Variants in PLP1 observed in about 807,000 individuals in gnomAD.
The protein encoded by PLP1 is proteolipid protein 1.
A neutral mutation model predicts 18.5 loss-of-function variants in PLP1; 2 were observed. That is an observed-to-expected ratio of 0.11 (90% CI 0.04 to 0.34). The LOEUF (loss-of-function observed/expected upper bound fraction) is 0.34, where lower values mean the gene tolerates loss of function less well. PLP1 is among the 10% of genes least tolerant of loss of function. The pLI is 1.00. For synonymous variants in PLP1, 86 were observed against 83.2 expected (o/e 1.03, Z -0.19); for missense variants, 105 against 207.3 (o/e 0.51, Z 3.03).
chrX:103,780,468 T>TGC (rs1556257399), intron 1 of PLP1, among the ~76,000 whole-genome samples: 219 of 109,643 alleles, frequency 2.0e-3, no homozygotes, highest in African/African-American at 6.1e-3. Context: ...TGTGTGTGTG[T>TGC]GCGCGTCTGA....
chrX:103,790,958 A>C lies in PLP1; in HGVS notation c.*360A>C. ...AAAGGGTACTTCCACTGATGGAAAC[A>C]AAGTGGAAGGAAAGATGCTCAGGTA... On this transcript the variant is annotated 3_prime_UTR_variant, in exon 7 of 7. Coordinates refer to ENST00000621218, the MANE Select transcript of PLP1 (RefSeq NM_000533.5). The C allele has an allele frequency of 3.9e-6, 1 of 254,144 alleles. No individual in the cohort carries two copies. 20.9% of individuals were successfully genotyped at this position (254,144 alleles called of 1,213,427 possible). A position where few individuals can be genotyped will look rare whatever the true frequency, so the allele number is the denominator to read the frequency against.
chrX:103,787,394 A>G (rs755845681), intron 3 of PLP1: 10 of 205,964 alleles, frequency 4.9e-5, no homozygotes, highest in Non-Finnish European at 6.2e-5. Flanking sequence ...TTAATCTCCT[A>G]TTGGCTTTGT....
chrX:103,781,100 G>A, intron 1 of PLP1: 1 of 218,842 alleles, frequency 4.6e-6, no homozygotes, highest in Admixed American at 5.4e-5. Context: ...GGTACAATTG[G>A]TCTCTTTCTA....
chrX:103,785,603 G>C lies in PLP1; in HGVS notation c.26G>C (p.Arg9Thr). The C allele has an allele frequency of 8.3e-7, 1 of 1,210,784 alleles. No homozygotes were observed. Among genetic ancestry groups the C allele is most frequent in the Non-Finnish European group, 1.1e-6 (1 of 894,685 alleles). MGLLECCA[R>T]CLVGAPFASL... ...CCAGGCTTGTTAGAGTGCTGTGCAAGATGTCTGGTAGGGGCCCCCTTTGCT... is the reference window on the plus strand; with the variant it reads ...CCAGGCTTGTTAGAGTGCTGTGCAACATGTCTGGTAGGGGCCCCCTTTGCT... Residue 9 changes from arginine to threonine, a missense_variant, in exon 2 of 7, where the codon AGA becomes ACA. By Grantham distance (71) the Arg-to-Thr change is moderately conservative (BLOSUM62 -1). Transcript: ENST00000621218.
intron 1 of PLP1, chrX:103,779,856 A>G (rs183721804): frequency 8.9e-6 from 1 of 112,486 alleles, no homozygotes; most frequent in African/African-American, 3.2e-5. Flanking sequence ...AAGCCTTGAA[A>G]GCCATCCCCT....
intron 5 of PLP1, 31 bp downstream of exon 5, chrX:103,788,541 G>A: frequency 9.7e-7 from 1 of 1,035,054 alleles, no homozygotes; most frequent in Non-Finnish European, 1.4e-6. Context: ...ATTTTACAAG[G>A]GAGTAGCTAA....
intron 4 of PLP1, 51 bp downstream of exon 4, chrX:103,788,017 A>G: frequency 9.9e-7 from 1 of 1,009,041 alleles, no homozygotes; most frequent in Non-Finnish European, 1.4e-6. Flanking sequence ...TGGAAGCACT[A>G]TATATTTGGT....
At chrX:103,783,869 C>G (rs1177095244) in intron 1 of PLP1, among the ~76,000 whole-genome samples, 2 of 111,746 alleles carry the variant, frequency 1.8e-5, no homozygotes, top group Non-Finnish European at 3.8e-5. Flanking sequence ...CTTCCCAGTA[C>G]ATTTGCTGAG....
upstream of PLP1, chrX:103,776,683 T>A: frequency 3.4e-6 from 1 of 293,950 alleles, no homozygotes; most frequent in Non-Finnish European, 5.9e-6. Flanking sequence ...ACAAAGAAAA[T>A]GAAACAATTG....
In PLP1 at chrX:103,790,920, G is replaced by C. The variant is rs144929833; in HGVS notation, c.*322G>C. The C allele has an allele frequency of 8.1e-3, 2,434 of 301,470 alleles. 25 individuals carry two copies. Among genetic ancestry groups the C allele is most frequent in the Middle Eastern group, 0.055 (53 of 966 alleles). The allele number at this position is 301,470 out of a possible 1,213,427, so 24.8% of individuals were successfully genotyped here. A position where few individuals can be genotyped will look rare whatever the true frequency, so the allele number is the denominator to read the frequency against. ...TCAAGCATCTCCTGAGGATCAGAAA[G>C]TAATTTCTTCTCAAAGGGTACTTCC... On this transcript the variant is annotated 3_prime_UTR_variant, in exon 7 of 7. Coordinates refer to ENST00000621218, the MANE Select transcript of PLP1 (RefSeq NM_000533.5).
At chrX:103,782,569 C>A (rs1375490071) in intron 1 of PLP1, among the ~76,000 whole-genome samples, 2 of 111,852 alleles carry the variant, frequency 1.8e-5, no homozygotes, top group East Asian at 5.6e-4. Context: ...ATCTTTGCAA[C>A]CCTAGAGGTG....
chrX:103,787,715 C>T (rs1304800733), intron 3 of PLP1, 83 bp from the exon 4 acceptor site: 104 of 835,363 alleles, frequency 1.2e-4, no homozygotes, highest in South Asian at 4.5e-4. Context: ...GTCTGGCACA[C>T]GCCACTCCAG....
intron 1 of PLP1, among the ~76,000 whole-genome samples, chrX:103,784,344 G>A (rs1292923064): frequency 8.9e-6 from 1 of 111,802 alleles, no homozygotes; most frequent in African/African-American, 3.3e-5. Flanking sequence ...TCTGTTTGTA[G>A]CTGTTTTGAC....
rs1409352106 is a variant in PLP1 at position 103,787,860 on chromosome X, G to A, written c.516G>A (p.Val172=). ...TCCTGGTGTTTGCCTGCTCTGCTGTGCCTGTGTACATTTACTTCAACACCT... is the reference window on the plus strand; with the variant it reads ...TCCTGGTGTTTGCCTGCTCTGCTGTACCTGTGTACATTTACTTCAACACCT... The part of the protein sequence containing the change: ...VWLLVFACSA[V]PVYIYFNTWT... Residue 172 remains valine, a synonymous_variant, in exon 4 of 7, where the codon GTG becomes GTA. Coordinates refer to ENST00000621218, the MANE Select transcript of PLP1 (RefSeq NM_000533.5). 8.3e-7 allele frequency: 1 copy of A among 1,206,141 alleles called. No homozygotes were observed.
chrX:103,782,764 T>C (rs2074463634), intron 1 of PLP1, among the ~76,000 whole-genome samples: 2 of 99,963 alleles, frequency 2.0e-5, no homozygotes, highest in Admixed American at 2.3e-4. Context: ...AAACAAACAG[T>C]CCTGCCATTG....
chrX:103,788,938 G>A, intron 5 of PLP1: 1 of 283,166 alleles, frequency 3.5e-6, no homozygotes, highest in South Asian at 5.3e-5. Flanking sequence ...CATTTGAAAG[G>A]GAAAGCACTG....
chrX:103,787,938 C>A lies in PLP1; in HGVS notation c.594C>A (p.Gly198=), dbSNP rs757600628. ...CCAGCAAGACCTCTGCCAGTATAGGCAGTCTCTGTGCTGATGCCAGAATGT... is the reference window on the plus strand; with the variant it reads ...CCAGCAAGACCTCTGCCAGTATAGGAAGTCTCTGTGCTGATGCCAGAATGT... The part of the protein sequence containing the change: ...AFPSKTSASI[G]SLCADARMYG... The change falls in exon 4 of 7, where the codon GGC becomes GGA. Residue 198 remains glycine (G), a synonymous_variant. Coordinates refer to ENST00000621218, the MANE Select transcript of PLP1 (RefSeq NM_000533.5). The A allele has an allele frequency of 2.0e-5, 24 of 1,208,998 alleles. No homozygotes were observed. In the Middle Eastern group the frequency reaches 1.1e-3, roughly 58 times the overall value.
Position 103,785,595 on chromosome X carries a change from C to T in PLP1, c.18C>T (p.Cys6=), listed in dbSNP as rs151116667. ...CTTCTTCCCCAGGCTTGTTAGAGTG[C>T]TGTGCAAGATGTCTGGTAGGGGCCC... MGLLE[C]CARCLVGAPF... Residue 6 remains cysteine, a synonymous_variant, in exon 2 of 7, where the codon TGC becomes TGT. Coordinates refer to ENST00000621218, the MANE Select transcript of PLP1 (RefSeq NM_000533.5). The T allele has an allele frequency of 8.3e-7, 1 of 1,207,596 alleles. No individual in the cohort carries two copies. Among genetic ancestry groups the T allele is most frequent in the Non-Finnish European group, 1.1e-6 (1 of 893,485 alleles).
chrX:103,789,604 A>G (rs1382252162), intron 6 of PLP1, among the ~76,000 whole-genome samples: 1 of 112,085 alleles, frequency 8.9e-6, no homozygotes, highest in Non-Finnish European at 1.9e-5. Flanking sequence ...GAACAAGAAA[A>G]GTGGTATGAG....
Sources: allele counts gnomAD v4.1 joint callset (sites outside exome capture counted in the v4.1 genomes callset), GRCh38; gene constraint gnomAD v4.1.1; transcripts MANE v1.5; gene names NCBI Gene and HGNC (gene_info 2026-07-23, HGNC 2026-07-21).